FRY: variants seen among roughly 807,000 people sequenced by gnomAD.
FRY encodes FRY microtubule binding protein, also known as protein furry homolog.
FRY carries 128 observed loss-of-function variants against 348.4 expected under a neutral mutation model. The observed-to-expected ratio is 0.37, with a 90% CI of 0.32 to 0.43. FRY has a LOEUF of 0.43. Ranked by LOEUF, FRY falls within the 20% of genes least tolerant of loss-of-function variation. The pLI is 1.00. For missense variants in FRY, 2,736 were observed against 3,695.2 expected (o/e 0.74, Z 6.73); for synonymous variants, 1,370 against 1,374.7 (o/e 1.00, Z 0.08).
At chr13:32,146,148 C>T (rs972751901) in intron 11 of FRY, among the ~76,000 whole-genome samples, 1 of 150,194 alleles carries the variant, frequency 6.7e-6, no homozygotes, top group African/African-American at 2.5e-5. Context: ...TCCATGTGCT[C>T]TTGCCTCTGC....
chr13:32,143,830 A>G (rs568109618), intron 11 of FRY, among the ~76,000 whole-genome samples: 150 of 152,188 alleles, frequency 9.9e-4, no homozygotes, highest in Non-Finnish European at 1.9e-3. Context: ...TACAGTGTTA[A>G]GTACCCTATG....
rs1305793910 is a variant in FRY at position 32,294,368 on chromosome 13, C to T, written c.8581C>T (p.Leu2861=). 6.2e-7 allele frequency: 1 copy of T among 1,608,108 alleles called. No individual in the cohort carries two copies. Among genetic ancestry groups the T allele is most frequent in the East Asian group, 2.2e-5 (1 of 44,840 alleles). The part of the protein sequence containing the change: ...QVHEVSSMPE[L]LNMSRELSDL... ...TTAAAAAACATTTTTTTTTAAATAG[C>T]TGCTGAATATGTCCAGGGAACTGAG... Residue 2861 remains leucine (L), a splice_region_variant and synonymous_variant, in exon 60 of 61, where the codon CTG becomes TTG. Coordinates refer to ENST00000542859, the MANE Select transcript of FRY (RefSeq NM_023037.3).
chr13:32,207,462 A>G (rs964878437), intron 31 of FRY, among the ~76,000 whole-genome samples: 4 of 152,206 alleles, frequency 2.6e-5, no homozygotes, highest in Non-Finnish European at 5.9e-5. Flanking sequence ...TCTTAGGGGC[A>G]GGAACTGCAT....
At chr13:32,262,522 T>C in intron 53 of FRY, 47 bp downstream of exon 53, 2 of 1,426,710 alleles carry the variant, frequency 1.4e-6, no homozygotes, top group East Asian at 2.3e-5. Context: ...TTAAAACCCT[T>C]AAAAAAAAAC....
intron 14 of FRY, among the ~76,000 whole-genome samples, chr13:32,154,270 T>C (rs193195057): frequency 3.0e-4 from 46 of 152,200 alleles, no homozygotes; most frequent in Admixed American, 1.6e-3. Flanking sequence ...AAAGTAATAT[T>C]CTTTCATTCT....
At chr13:32,051,188 G>A (rs953657516) in intron 1 of FRY, among the ~76,000 whole-genome samples, 1 of 152,164 alleles carries the variant, frequency 6.6e-6, no homozygotes, top group Non-Finnish European at 1.5e-5. Flanking sequence ...AGTTGGGTGA[G>A]GAAAATGACC....
At chr13:32,209,167 T>C in intron 32 of FRY, 58 bp downstream of exon 32, 2 of 1,595,330 alleles carry the variant, frequency 1.3e-6, no homozygotes, top group Non-Finnish European at 8.6e-7. Flanking sequence ...AAAAAAACCC[T>C]GGGTTAGTCA....
In FRY at chr13:32,185,168, GA is replaced by G. The variant is rs1882956485; in HGVS notation, c.3319+23del. The G allele has an allele frequency of 6.2e-7, 1 of 1,609,418 alleles. No homozygotes were observed. Among genetic ancestry groups the G allele is most frequent in the African/African-American group, 1.3e-5 (1 of 74,860 alleles). On this transcript the variant is annotated intron_variant, in intron 26 of 60. Transcript: ENST00000542859. The stretch of plus-strand genomic sequence containing the variant: ...TTCCAGGTACGGTGATCCGTTACAA[GA>G]AATTACCATTCATGCTTGGAAGCCC...
intron 25 of FRY, 47 bp downstream of exon 25, chr13:32,184,738 C>G (rs571893522): frequency 8.7e-7 from 1 of 1,148,532 alleles, no homozygotes. Context: ...CCAGACTGAT[C>G]TTTTTGTTTT....
chr13:32,033,731 A>G (rs887752707), intron 1 of FRY, among the ~76,000 whole-genome samples: 11 of 152,186 alleles, frequency 7.2e-5, no homozygotes, highest in Admixed American at 4.6e-4. Context: ...TGCCCACTAT[A>G]TTAATTTTTT....
At chr13:32,143,641 G>A (rs1162329845) in intron 11 of FRY, among the ~76,000 whole-genome samples, 1 of 152,024 alleles carries the variant, frequency 6.6e-6, no homozygotes, top group Non-Finnish European at 1.5e-5. Flanking sequence ...TTATGAATAT[G>A]AAAGAATTTC....
At chr13:32,223,892 C>A (rs1205102697) in intron 36 of FRY, among the ~76,000 whole-genome samples, 1 of 152,008 alleles carries the variant, frequency 6.6e-6, no homozygotes, top group Non-Finnish European at 1.5e-5. Flanking sequence ...TCATGCCTGG[C>A]TATTTTGTGT....
At chr13:32,049,152 C>A (rs1009224114) in intron 1 of FRY, among the ~76,000 whole-genome samples, 6 of 152,088 alleles carry the variant, frequency 3.9e-5, no homozygotes, top group Admixed American at 3.9e-4. Flanking sequence ...GGAAGTGATT[C>A]ATCATTTTAA....
intron 4 of FRY, among the ~76,000 whole-genome samples, chr13:32,119,707 C>T (rs1878530530): frequency 1.3e-5 from 2 of 152,120 alleles, no homozygotes; most frequent in Admixed American, 1.3e-4. Flanking sequence ...GAGTGCCCTC[C>T]TTTTTAATGC....
intron 37 of FRY, among the ~76,000 whole-genome samples, 160 bp downstream of exon 37, chr13:32,224,545 GTT>G (rs749566847): frequency 1.3e-5 from 2 of 152,216 alleles, no homozygotes; most frequent in African/African-American, 2.4e-5. Flanking sequence ...TATTAGCAGA[GTT>G]TGGTCAAATG....
chr13:32,205,048 C>T (rs1266841403), intron 31 of FRY, among the ~76,000 whole-genome samples: 1 of 151,914 alleles, frequency 6.6e-6, no homozygotes, highest in East Asian at 1.9e-4. Flanking sequence ...ACTAAAAATA[C>T]AAAAATTAGC....
chr13:32,282,117 A>C (rs1032219601), intron 58 of FRY, among the ~76,000 whole-genome samples: 2 of 152,184 alleles, frequency 1.3e-5, no homozygotes, highest in African/African-American at 4.8e-5. Context: ...TTATATCTAG[A>C]GATGTGGAGA....
intron 31 of FRY, 24 bp from the exon 32 acceptor site, chr13:32,208,829 C>T (rs1227546341): frequency 6.2e-7 from 1 of 1,613,856 alleles, no homozygotes. Flanking sequence ...ATGGATGACT[C>T]TCTGTCACTG....
rs754780735 is a variant in FRY, at chr13:32,262,480, A to C, written c.7779+5A>C. ...CAGATTTCTGAGGGTTCAAAGGTGA[A>C]GAGATTTTAACAATGATGATTTGTA... On this transcript the variant is annotated splice_donor_5th_base_variant and intron_variant, in intron 53 of 60. Transcript: ENST00000542859. 33 of 1,608,380 alleles carry C rather than the reference A, an allele frequency of 2.1e-5. No homozygotes were observed. In the East Asian group the frequency reaches 7.4e-4, roughly 36 times the overall value.
Sources: gnomAD v4.1 joint callset for allele counts (sites outside exome capture counted in the v4.1 genomes callset) on GRCh38, gnomAD v4.1.1 for gene constraint, MANE v1.5 for transcripts, NCBI Gene and HGNC (gene_info 2026-07-23, HGNC 2026-07-21) for gene names.